TTC29: variants seen among roughly 807,000 people sequenced by gnomAD.
TTC29 encodes the protein tetratricopeptide repeat protein 29.
TTC29 carries 49 observed loss-of-function variants against 58.1 expected under a neutral mutation model. The observed-to-expected ratio is 0.84, with a 90% CI of 0.67 to 1.07. The LOEUF is 1.07. Ranked by LOEUF, TTC29 falls within the 50% of genes least tolerant of loss-of-function variation. The pLI is 0.00. For missense variants in TTC29, 582 were observed against 555.6 expected (o/e 1.05, Z -0.48); for synonymous variants, 209 against 196.8 (o/e 1.06, Z -0.52).
intron 9 of TTC29, among the ~76,000 whole-genome samples, chr4:146,823,821 CTT>C (rs1752003526): frequency 6.6e-6 from 1 of 152,138 alleles, no homozygotes; most frequent in Non-Finnish European, 1.5e-5. Context: ...CTTCACATCT[CTT>C]GTTAGCTGCA....
At chr4:146,890,117 A>G (rs982238479) in intron 6 of TTC29, among the ~76,000 whole-genome samples, 3 of 152,156 alleles carry the variant, frequency 2.0e-5, no homozygotes, top group Non-Finnish European at 2.9e-5. Flanking sequence ...TGTCATAAAA[A>G]AGCAGCACAA....
intron 10 of TTC29, among the ~76,000 whole-genome samples, chr4:146,804,122 C>T (rs1750432516): frequency 6.6e-6 from 1 of 152,128 alleles, no homozygotes; most frequent in South Asian, 2.1e-4. Flanking sequence ...TGGGGCATTG[C>T]TTCACCTGGG....
intron 11 of TTC29, among the ~76,000 whole-genome samples, chr4:146,772,093 G>T (rs976945764): frequency 1.3e-5 from 2 of 151,908 alleles, no homozygotes; most frequent in South Asian, 2.1e-4. Flanking sequence ...TTTTTAATGG[G>T]GTTGTTTGTT....
intron 1 of TTC29, chr4:146,945,323 A>G (rs767807078): frequency 3.3e-5 from 5 of 152,354 alleles, no homozygotes; most frequent in African/African-American, 1.2e-4. Context: ...ATGTATTTCA[A>G]TACAAATGTG....
At chr4:146,905,324 GT>G (rs1560704215) in intron 5 of TTC29, among the ~76,000 whole-genome samples, 125 of 147,228 alleles carry the variant, frequency 8.5e-4, no homozygotes, top group African/African-American at 3.0e-3. Context: ...TTAATAAAAA[GT>G]ATATATATAT....
chr4:146,914,778 T>C (rs1208243194), intron 4 of TTC29, among the ~76,000 whole-genome samples: 1 of 152,120 alleles, frequency 6.6e-6, no homozygotes, highest in African/African-American at 2.4e-5. Context: ...AATGGAGATG[T>C]TGTTAATTGT....
At chr4:146,712,101 A>G (rs1447718535) in intron 11 of TTC29, among the ~76,000 whole-genome samples, 1 of 152,078 alleles carries the variant, frequency 6.6e-6, no homozygotes, top group Non-Finnish European at 1.5e-5. Context: ...TTTAATTACA[A>G]TGAGAATATC....
At chr4:146,888,342 G>A (rs1007464279) in intron 6 of TTC29, among the ~76,000 whole-genome samples, 2 of 152,136 alleles carry the variant, frequency 1.3e-5, no homozygotes, top group African/African-American at 4.8e-5. Context: ...GACGCTAAAG[G>A]AAGGTAAAGA....
chr4:146,822,326 A>G (rs777084549), intron 9 of TTC29, among the ~76,000 whole-genome samples: 2 of 152,062 alleles, frequency 1.3e-5, no homozygotes, highest in Non-Finnish European at 2.9e-5. Context: ...TGTGAGTGAG[A>G]ACATGTGGTG....
At chr4:146,863,419 C>A (rs1271903088) in intron 8 of TTC29, among the ~76,000 whole-genome samples, 1 of 152,126 alleles carries the variant, frequency 6.6e-6, no homozygotes, top group Non-Finnish European at 1.5e-5. Flanking sequence ...GAAATCTCAT[C>A]CACTCCACAG....
chr4:146,879,160 A>G (rs1731461696), intron 6 of TTC29, among the ~76,000 whole-genome samples: 1 of 152,206 alleles, frequency 6.6e-6, no homozygotes, highest in Admixed American at 6.5e-5. Flanking sequence ...AATGACCACA[A>G]GCACACAAAT....
intron 4 of TTC29, among the ~76,000 whole-genome samples, chr4:146,919,255 G>C (rs1222329163): frequency 6.6e-6 from 1 of 151,050 alleles, no homozygotes; most frequent in Non-Finnish European, 1.5e-5. Flanking sequence ...ATGGATTCTT[G>C]TTCTTTTCTT....
intron 11 of TTC29, among the ~76,000 whole-genome samples, chr4:146,763,410 A>G (rs1458736496): frequency 1.3e-5 from 2 of 152,072 alleles, no homozygotes; most frequent in Non-Finnish European, 2.9e-5. Context: ...GTTCCATGTC[A>G]GCCCACTGCA....
chr4:146,846,362 C>T (rs919083634), intron 8 of TTC29, among the ~76,000 whole-genome samples: 3 of 152,140 alleles, frequency 2.0e-5, no homozygotes, highest in African/African-American at 4.8e-5. Flanking sequence ...AAGTGTGGAC[C>T]GGTGGGTCAG....
At chr4:146,749,540 A>T (rs1161761166) in intron 11 of TTC29, among the ~76,000 whole-genome samples, 1 of 152,136 alleles carries the variant, frequency 6.6e-6, no homozygotes, top group Non-Finnish European at 1.5e-5. Flanking sequence ...ATAGTATTAA[A>T]TTTACTTATT....
At chr4:146,812,326 G>C (rs558063671) in intron 10 of TTC29, among the ~76,000 whole-genome samples, 2 of 152,172 alleles carry the variant, frequency 1.3e-5, no homozygotes, top group African/African-American at 4.8e-5. Flanking sequence ...TCTTAATTAG[G>C]AAAATTAGAG....
intron 8 of TTC29, among the ~76,000 whole-genome samples, chr4:146,864,011 G>C (rs182498528): frequency 6.6e-6 from 1 of 151,990 alleles, no homozygotes. Flanking sequence ...GAAATGTTTC[G>C]CCAGCTATCT....
At chr4:146,792,215 G>A (rs999913608) in intron 11 of TTC29, among the ~76,000 whole-genome samples, 13 of 152,198 alleles carry the variant, frequency 8.5e-5, no homozygotes, top group African/African-American at 3.1e-4. Flanking sequence ...AGAAGTCAAT[G>A]CCTGGCCTTA....
In TTC29 at chr4:146,867,570, CT is replaced by C; in HGVS notation, c.812del (p.Lys271ArgfsTer12). On this transcript the variant is annotated frameshift_variant, in exon 8 of 13. Transcript: ENST00000325106. LOFTEE classifies it high-confidence loss of function. ...AGTAGTAAGAGGCTTCCGCTTCCATCTTTTTGTCACTTCCTGAAGTGAAGAT... is the reference window on the plus strand; with the variant it reads ...AGTAGTAAGAGGCTTCCGCTTCCATCTTTTGTCACTTCCTGAAGTGAAGAT... ...SEIAKEGSDK[K>X]MEAEASYYLG... 2 of 1,521,236 alleles carry C rather than the reference CT, an allele frequency of 1.3e-6. No individual in the cohort carries two copies. Among genetic ancestry groups the C allele is most frequent in the Non-Finnish European group, 1.8e-6 (2 of 1,128,480 alleles). 94.2% of individuals were successfully genotyped at this position (1,521,236 alleles called of 1,614,324 possible).
Sources: allele counts gnomAD v4.1 joint callset (sites outside exome capture counted in the v4.1 genomes callset), GRCh38; gene constraint gnomAD v4.1.1; transcripts MANE v1.5; gene names NCBI Gene and HGNC (gene_info 2026-07-23, HGNC 2026-07-21).